Variants in LINGO1 observed in about 807,000 individuals in gnomAD.
LINGO1 encodes the protein leucine rich repeat and Ig domain containing 1.
LINGO1 carries 11 observed loss-of-function variants against 37.3 expected under a neutral mutation model. The observed-to-expected ratio is 0.29, with a 90% CI of 0.19 to 0.49. LINGO1 has a LOEUF of 0.49. Ranked by LOEUF, LINGO1 falls within the 20% of genes least tolerant of loss-of-function variation. The pLI, the probability that LINGO1 is intolerant of heterozygous loss-of-function variation, is 0.99. For synonymous variants in LINGO1, 387 were observed against 403.0 expected (o/e 0.96, Z 0.48); for missense variants, 585 against 878.2 (o/e 0.67, Z 4.22).
chr15:77,623,915 CTGA>C (rs1240353801), intron 1 of LINGO1, among the ~76,000 whole-genome samples: 1 of 120,814 alleles, frequency 8.3e-6, no homozygotes, highest in Non-Finnish European at 1.6e-5. Context: ...CTGTGTGTGA[CTGA>C]TGTGTGTGTG....
chr15:77,736,685 G>C (rs896905708), intron 1 of LINGO1, among the ~76,000 whole-genome samples: 2 of 152,144 alleles, frequency 1.3e-5, no homozygotes, highest in African/African-American at 4.8e-5. Context: ...GAGGCAGGAG[G>C]ATCACTTGAG....
At chr15:77,739,192 C>G (rs1007657211) in intron 1 of LINGO1, among the ~76,000 whole-genome samples, 1 of 152,242 alleles carries the variant, frequency 6.6e-6, no homozygotes, top group African/African-American at 2.4e-5. Flanking sequence ...CGCTGCCAGG[C>G]AGCCCAGTAA....
intron 1 of LINGO1, among the ~76,000 whole-genome samples, chr15:77,739,879 C>A (rs941815592): frequency 1.7e-4 from 26 of 152,348 alleles, no homozygotes; most frequent in East Asian, 1.9e-4. Context: ...TGCCTCCCCC[C>A]AATGCATCAG....
intron 1 of LINGO1, among the ~76,000 whole-genome samples, chr15:77,748,682 TTTTTTC>T (rs1411521191): frequency 1.3e-5 from 2 of 152,020 alleles, no homozygotes; most frequent in African/African-American, 2.4e-5. Flanking sequence ...CAATTTCTTT[TTTTTTC>T]TTTTTCTTTT....
At chr15:77,683,024 T>G (rs139257565) in intron 2 of LINGO1, among the ~76,000 whole-genome samples, 337 of 152,336 alleles carry the variant, frequency 2.2e-3, no homozygotes, top group Middle Eastern at 0.014. Flanking sequence ...CTAAAAGCTC[T>G]TTTATATCAA....
chr15:77,789,725 A>G (rs576441984), upstream of LINGO1, among the ~76,000 whole-genome samples: 33 of 152,198 alleles, frequency 2.2e-4, no homozygotes, highest in African/African-American at 7.7e-4. Flanking sequence ...CCTGAAACAG[A>G]TCATCCTTCA....
chr15:77,769,822 G>C (rs2076566421), intron 1 of LINGO1, among the ~76,000 whole-genome samples: 1 of 152,204 alleles, frequency 6.6e-6, no homozygotes, highest in Admixed American at 6.5e-5. Context: ...GTCTCTCCCG[G>C]TGCGGGTACC....
chr15:77,641,923 C>T (rs1427733585), intron 3 of LINGO1: 1 of 456,694 alleles, frequency 2.2e-6, no homozygotes, highest in South Asian at 1.5e-5. Context: ...GGGTGCACAT[C>T]CCAGGGAAGC....
chr15:77,625,755 T>G (rs910487869), intron 1 of LINGO1, among the ~76,000 whole-genome samples: 15 of 152,186 alleles, frequency 9.9e-5, no homozygotes, highest in African/African-American at 3.6e-4. Flanking sequence ...CACTCCTGCA[T>G]ACTGCCTCCC....
upstream of LINGO1, among the ~76,000 whole-genome samples, chr15:77,637,983 T>C (rs945307364): frequency 6.6e-6 from 1 of 152,248 alleles, no homozygotes; most frequent in Admixed American, 6.5e-5. This position sits in a 1 kb window ranked among gnomAD's most constrained non-coding sequence, Gnocchi z 4.6. Context: ...CCTCTCACCA[T>C]GGGGCACCCA....
Position 77,632,360 on chromosome 15 carries a change from G to T in LINGO1, c.-45C>A. On this transcript the variant is annotated 5_prime_UTR_variant, in exon 1 of 2. Coordinates refer to ENST00000355300, the MANE Select transcript of LINGO1 (RefSeq NM_032808.7). The surrounding 1 kb of genome is among the most constrained non-coding windows in gnomAD (Gnocchi z 6.0). Reference sequence around the variant, plus strand: ...CGCTCGGCTCGGTCACCAATCGCATGTCTCTCCAGCCGGCCCGACCAGGCC... The same window carrying T: ...CGCTCGGCTCGGTCACCAATCGCATTTCTCTCCAGCCGGCCCGACCAGGCC... 7.1e-7 allele frequency: 1 copy of T among 1,406,106 alleles called. No individual in the cohort carries two copies. Among genetic ancestry groups the T allele is most frequent in the East Asian group, 3.1e-5 (1 of 32,422 alleles). The allele number at this position is 1,406,106 out of a possible 1,614,324, so 87.1% of individuals were successfully genotyped here. A position where few individuals can be genotyped will look rare whatever the true frequency, so the allele number is the denominator to read the frequency against.
chr15:77,686,096 C>T (rs1486843573), intron 2 of LINGO1, among the ~76,000 whole-genome samples: 1 of 152,082 alleles, frequency 6.6e-6, no homozygotes, highest in African/African-American at 2.4e-5. Context: ...GGGGTGGGAC[C>T]CGGAATGGGG....
rs550078478 is a variant in LINGO1 at position 77,783,354 on chromosome 15, G to T, written c.-257+3515C>A. On this transcript the variant is annotated intron_variant, in intron 1 of 3. Coordinates refer to the LINGO1 transcript ENST00000561686. ...GTGATGAGCGGGTGAATGAAGGTGT[G>T]AATGAAAGGGCAGGCTGGCTCCAAG... Among the ~76,000 whole-genome samples, 15 of 152,308 alleles carry T rather than the reference G, an allele frequency of 9.8e-5. No individual in the cohort carries two copies. The South Asian group carries it at 2.9e-3, about 29-fold the overall frequency.
intron 3 of LINGO1, among the ~76,000 whole-genome samples, chr15:77,654,181 G>A (rs1484801509): frequency 6.6e-6 from 1 of 152,170 alleles, no homozygotes; most frequent in Non-Finnish European, 1.5e-5. Context: ...CTCAGCCTGG[G>A]GTCCTCAATG....
upstream of LINGO1, among the ~76,000 whole-genome samples, chr15:77,699,774 T>TC (rs2075757887): frequency 1.2e-3 from 11 of 9,088 alleles, no homozygotes; most frequent in African/African-American, 1.2e-3. Context: ...CTAACCATCA[T>TC]TCCCCCCCTC....
In LINGO1 at chr15:77,632,908, G is replaced by A. The variant is rs1166183338; in HGVS notation, c.-593C>T. Among the ~76,000 whole-genome samples the A allele has an allele frequency of 6.6e-6, 1 of 151,114 alleles. No homozygotes were observed. The highest frequency in any genetic ancestry group is 2.0e-4 in the East Asian group (1 of 5,082). On this transcript the variant is annotated 5_prime_UTR_variant, in exon 1 of 2. Transcript: ENST00000355300. This position sits in a 1 kb window ranked among gnomAD's most constrained non-coding sequence, Gnocchi z 6.0. ...CGCTCTGCAGCGGCGCGGGGAGGGA[G>A]CACTAGGAGCGAGCCAGGGAGGGAG... is the stretch of plus-strand genomic sequence containing the variant.
At chr15:77,675,474 G>A (rs985775613) in intron 3 of LINGO1, among the ~76,000 whole-genome samples, 13 of 152,186 alleles carry the variant, frequency 8.5e-5, no homozygotes, top group African/African-American at 3.1e-4. Context: ...GGAAGGACCC[G>A]GGATGATCCA....
At chr15:77,764,506 C>G (rs1291660706) in intron 1 of LINGO1, among the ~76,000 whole-genome samples, 1 of 152,160 alleles carries the variant, frequency 6.6e-6, no homozygotes, top group Non-Finnish European at 1.5e-5. Context: ...AGACAAATCA[C>G]CCACTTTTTT....
rs886642088 is a variant in LINGO1 at position 77,729,492 on chromosome 15, G to A, written c.-195+5500C>T. On this transcript the variant is annotated intron_variant, in intron 2 of 3. Transcript: ENST00000561686. ...AGAGCTGGGAGGGCTGGGAGCTGGT[G>A]GAGGGAGAGCAGGGCAAGCATCAGG... 2.0e-5 allele frequency among the ~76,000 whole-genome samples: 3 copies of A among 152,212 alleles called. No individual in the cohort carries two copies. The South Asian group carries it at 6.2e-4, about 32-fold the overall frequency.
Sources: allele counts gnomAD v4.1 joint callset (sites outside exome capture counted in the v4.1 genomes callset), GRCh38; gene constraint gnomAD v4.1.1; non-coding constraint Gnocchi (gnomAD v3.1); transcripts MANE v1.5; gene names NCBI Gene and HGNC (gene_info 2026-07-23, HGNC 2026-07-21).